The following SUPT3H variants were observed in gnomAD, a reference collection of about 807,000 sequenced individuals.
The protein encoded by SUPT3H is transcription initiation protein SPT3 homolog.
A neutral mutation model predicts 44.3 loss-of-function variants in SUPT3H; 44 were observed. That is an observed-to-expected ratio of 0.99 (90% confidence interval 0.78 to 1.28). SUPT3H has a LOEUF of 1.28. SUPT3H is among the 50% of genes most tolerant of loss of function. The probability of loss-of-function intolerance (pLI) is 0.00; values close to 1 mark genes in which losing one functional copy is unlikely to be tolerated. For missense variants in SUPT3H, 380 were observed against 387.1 expected (o/e 0.98, Z 0.15); for synonymous variants, 124 against 125.6 (o/e 0.99, Z 0.09).
intron 2 of SUPT3H, among the ~76,000 whole-genome samples, chr6:45,298,385 T>C (rs1299177867): frequency 2.0e-5 from 3 of 151,960 alleles, no homozygotes; most frequent in South Asian, 2.1e-4. Context: ...GAATGGGAGG[T>C]GTATCACAGT....
intron 10 of SUPT3H, among the ~76,000 whole-genome samples, chr6:44,866,836 A>C (rs1171417580): frequency 6.6e-6 from 1 of 152,242 alleles, no homozygotes; most frequent in African/African-American, 2.4e-5. Context: ...GGGAAGTCTA[A>C]GGAGTGACTT....
intron 2 of SUPT3H, among the ~76,000 whole-genome samples, chr6:45,115,175 T>C (rs1446557721): frequency 6.6e-6 from 1 of 152,140 alleles, no homozygotes; most frequent in Non-Finnish European, 1.5e-5. Context: ...TTCTCCCATG[T>C]TACATAAACA....
At chr6:45,145,903 A>T (rs1346155342) in intron 2 of SUPT3H, among the ~76,000 whole-genome samples, 2 of 152,164 alleles carry the variant, frequency 1.3e-5, no homozygotes, top group African/African-American at 4.8e-5. Context: ...TGGCCAACGA[A>T]CATATGAAAA....
intron 2 of SUPT3H, among the ~76,000 whole-genome samples, chr6:45,176,624 G>T (rs940601594): frequency 3.9e-5 from 6 of 152,180 alleles, no homozygotes; most frequent in Non-Finnish European, 7.3e-5. Context: ...TGGGGGCAGG[G>T]CACAGACAAA....
At chr6:45,289,787 C>T (rs1406322570) in intron 2 of SUPT3H, among the ~76,000 whole-genome samples, 1 of 152,146 alleles carries the variant, frequency 6.6e-6, no homozygotes, top group Non-Finnish European at 1.5e-5. Flanking sequence ...ACTAAATATG[C>T]TTGCTGTTTA....
chr6:45,251,347 A>G (rs1351017805), intron 2 of SUPT3H, among the ~76,000 whole-genome samples: 1 of 151,996 alleles, frequency 6.6e-6, no homozygotes, highest in Non-Finnish European at 1.5e-5. Flanking sequence ...CTCTAAAACC[A>G]ATTAGTCTCT....
Position 44,985,435 on chromosome 6 carries a change from C to T in SUPT3H, c.504+18218G>A, listed in dbSNP as rs148300785. On this transcript the variant is annotated intron_variant, in intron 6 of 10. Transcript: ENST00000371459. ...AAAGAAGATATAGAATCTCCCAATT[C>T]ATAAATACGTTGTATCCTAAAAGTC... Among the ~76,000 whole-genome samples, 49 of 151,922 alleles carry T rather than the reference C, an allele frequency of 3.2e-4. No homozygotes were observed. In the East Asian group the frequency reaches 8.9e-3, roughly 28 times the overall value.
chr6:45,025,263 AGT>A (rs1259168177), intron 3 of SUPT3H, among the ~76,000 whole-genome samples: 5 of 152,220 alleles, frequency 3.3e-5, no homozygotes, highest in African/African-American at 1.2e-4. Flanking sequence ...TTCACACAAC[AGT>A]GTTTCTCATC....
intron 6 of SUPT3H, among the ~76,000 whole-genome samples, chr6:45,000,115 G>GTACATATGTAAAC (rs1781827045): frequency 6.6e-6 from 1 of 151,548 alleles, no homozygotes; most frequent in African/African-American, 2.4e-5. Flanking sequence ...TATTTATTAT[G>GTACATATGTAAAC]TACATATGTA....
intron 2 of SUPT3H, among the ~76,000 whole-genome samples, chr6:45,212,481 A>ATGTGTG (rs11269206): frequency 0.018 from 784 of 42,998 alleles, 23 homozygotes; most frequent in East Asian, 0.033. Context: ...CACCTCCACT[A>ATGTGTG]TGTGTGTGTG....
chr6:45,310,495 C>G (rs747670829), intron 2 of SUPT3H, among the ~76,000 whole-genome samples: 7 of 152,256 alleles, frequency 4.6e-5, no homozygotes, highest in Middle Eastern at 3.4e-3. Context: ...GAGCATTAAA[C>G]CACCAAAGCT....
At chr6:45,209,715 C>T (rs1421548110) in intron 2 of SUPT3H, among the ~76,000 whole-genome samples, 1 of 152,170 alleles carries the variant, frequency 6.6e-6, no homozygotes, top group Non-Finnish European at 1.5e-5. Context: ...GTTGCTAAAG[C>T]AGATACAAGG....
At chr6:45,032,028 G>C (rs1236268693) in intron 3 of SUPT3H, among the ~76,000 whole-genome samples, 2 of 152,240 alleles carry the variant, frequency 1.3e-5, no homozygotes, top group East Asian at 1.9e-4. Flanking sequence ...TTATAGCAAT[G>C]CAATTGCTAA....
intron 2 of SUPT3H, among the ~76,000 whole-genome samples, chr6:45,107,636 C>T (rs1296031725): frequency 6.6e-6 from 1 of 152,066 alleles, no homozygotes; most frequent in Non-Finnish European, 1.5e-5. Context: ...ATTGATAGTG[C>T]CCACAGGTAC....
intron 2 of SUPT3H, among the ~76,000 whole-genome samples, chr6:45,266,277 T>C (rs1351937444): frequency 6.6e-6 from 1 of 151,958 alleles, no homozygotes; most frequent in Non-Finnish European, 1.5e-5. Flanking sequence ...AAAATTTTTT[T>C]TAAAAATCTA....
chr6:45,343,123 T>G (rs1790154137), intron 2 of SUPT3H, among the ~76,000 whole-genome samples: 1 of 152,194 alleles, frequency 6.6e-6, no homozygotes, highest in Non-Finnish European at 1.5e-5. Context: ...TATAATCAAC[T>G]TTCCAAACCT....
At chr6:45,304,180 A>T (rs4544895) in intron 2 of SUPT3H, among the ~76,000 whole-genome samples, 33,321 of 152,074 alleles carry the variant, frequency 0.22, 4,469 homozygotes, top group Non-Finnish European at 0.31. Flanking sequence ...CTTTTTATCT[A>T]TTTAAATGTG....
chr6:44,954,615 T>A lies in SUPT3H; in HGVS notation c.581-8A>T, dbSNP rs755336483. On this transcript the variant is annotated splice_polypyrimidine_tract_variant and splice_region_variant and intron_variant, in intron 7 of 10. Transcript: ENST00000371459. ...ATTTGGAAGCTTTTTTGGCTGGCCA[T>A]TTAAAAAAAACAAGTGCAGAAATTT... The A allele has an allele frequency of 5.7e-6, 9 of 1,586,802 alleles. No homozygotes were observed. In the African/African-American group the frequency reaches 1.2e-4, roughly 21 times the overall value.
At chr6:44,854,163 T>C (rs888408950) in intron 10 of SUPT3H, among the ~76,000 whole-genome samples, 12 of 151,944 alleles carry the variant, frequency 7.9e-5, no homozygotes, top group African/African-American at 2.9e-4. Flanking sequence ...AAAATGCACA[T>C]AGAACAAATT....
Sources: gnomAD v4.1 joint callset for allele counts (sites outside exome capture counted in the v4.1 genomes callset) on GRCh38, gnomAD v4.1.1 for gene constraint, MANE v1.5 for transcripts, NCBI Gene and HGNC (gene_info 2026-07-23, HGNC 2026-07-21) for gene names.